SEMA4G: variants seen among roughly 807,000 people sequenced by gnomAD.
SEMA4G encodes the protein semaphorin-4G.
Under a neutral mutation model 81.2 loss-of-function variants are expected in SEMA4G, and 59 were observed. The ratio of observed to expected loss-of-function variants is 0.73; its 90% confidence interval spans 0.59 to 0.90. The LOEUF is 0.90. Ranked by LOEUF, SEMA4G falls within the 40% of genes least tolerant of loss-of-function variation. The probability of loss-of-function intolerance (pLI) is 0.00; values close to 1 mark genes in which losing one functional copy is unlikely to be tolerated. For synonymous variants in SEMA4G, 404 were observed against 433.9 expected (o/e 0.93, Z 0.86); for missense variants, 952 against 1,102.3 (o/e 0.86, Z 1.93).
chr10:100,982,745 T>C (rs552170865), intron 13 of SEMA4G, among the ~76,000 whole-genome samples: 9 of 152,190 alleles, frequency 5.9e-5, no homozygotes, highest in Non-Finnish European at 1.2e-4. Flanking sequence ...TGAGCTGAGA[T>C]CACGTCACTG....
chr10:100,969,762 C>A, upstream of SEMA4G: 1 of 429,774 alleles, frequency 2.3e-6, no homozygotes, highest in Admixed American at 2.4e-5. Context: ...GCGGGCCAGG[C>A]CTCGGGCTGC....
intron 6 of SEMA4G, 50 bp downstream of exon 7, chr10:100,978,690 A>G (rs1356566084): frequency 1.9e-6 from 3 of 1,583,934 alleles, no homozygotes; most frequent in Non-Finnish European, 1.7e-6. Flanking sequence ...CTATTTCTTC[A>G]TTTTTACTCC....
At chr10:100,974,858 T>C (rs554789277) in intron 3 of SEMA4G, 250 of 402,376 alleles carry the variant, frequency 6.2e-4, no homozygotes, top group African/African-American at 5.1e-3. Context: ...ACACTTGTAA[T>C]CTCAACACTT....
Position 100,973,441 on chromosome 10 carries a change from T to G in SEMA4G, c.274-106T>G. The G allele has an allele frequency of 9.1e-6, 13 of 1,425,280 alleles. 1 individual carries two copies. In the South Asian group the frequency reaches 1.6e-4, roughly 18 times the overall value. 88.3% of individuals were successfully genotyped at this position (1,425,280 alleles called of 1,614,324 possible). ...TTGCATTCAGTGTTCCTCCTGAAAT[T>G]GATCCCCACCCCAATTTCCCCAACT... On this transcript the variant is annotated intron_variant, in intron 2 of 13. Transcript: ENST00000370250. The surrounding 1 kb of genome is among the most constrained non-coding windows in gnomAD (Gnocchi z 5.5).
At chr10:100,969,832 C>T (rs543282591), upstream of SEMA4G, 76 of 453,304 alleles carry the variant, frequency 1.7e-4, 1 homozygote, top group South Asian at 6.4e-4. Flanking sequence ...GGCCGCGTGG[C>T]GAACAGTGTT....
exon 11 of SEMA4G, chr10:100,980,645 G>A (rs1851023747): frequency 1.9e-6 from 3 of 1,614,100 alleles, no homozygotes; most frequent in Admixed American, 3.3e-5. Flanking sequence ...AGACACAAGT[G>A]TTCAGGGAGT....
chr10:100,979,523 T>C (rs1850955989), intron 8 of SEMA4G: 4 of 990,484 alleles, frequency 4.0e-6, no homozygotes, highest in Admixed American at 5.8e-5. Flanking sequence ...GCTGGGACTA[T>C]AGGCGTGTGC....
In SEMA4G at chr10:100,979,855, C is replaced by G. The variant is rs200241224; in HGVS notation, c.991C>G (p.Leu331Val). The G allele has an allele frequency of 2.4e-4, 390 of 1,613,744 alleles. 2 individuals are homozygous for G. The East Asian group carries it at 7.8e-3, about 32-fold the overall frequency. ...CCCTATGTCCCATTCTAGGAAGACC[C>G]TGGAGGCCTCAGCCATCTGCCGCTA... Residue 331 changes from leucine to valine, a missense_variant, in exon 9 of 14, where the codon CTG (leucine) becomes GTG (valine). Coordinates refer to ENST00000370250, the Ensembl canonical transcript of SEMA4G.
chr10:100,982,076 A>AC (rs1454507117), intron 13 of SEMA4G, among the ~76,000 whole-genome samples: 1 of 150,438 alleles, frequency 6.6e-6, no homozygotes, highest in African/African-American at 2.5e-5. Context: ...AAAAAAAAAA[A>AC]AGAAAGAAAA....
chr10:100,977,852 C>T, intron 4 of SEMA4G, 122 bp downstream of exon 5: 4 of 807,780 alleles, frequency 5.0e-6, no homozygotes, highest in Non-Finnish European at 8.4e-6. Context: ...AAGGGGACTT[C>T]CATACAGGGC....
chr10:100,976,738 G>T (rs80239927), intron 3 of SEMA4G, among the ~76,000 whole-genome samples: 2,145 of 152,306 alleles, frequency 0.014, 54 homozygotes, highest in African/African-American at 0.05. Flanking sequence ...CAGTCTTCTT[G>T]GCAGGCAACC....
rs1380464807 is a variant in SEMA4G at position 100,973,883 on chromosome 10, A to T, written c.336+274A>T. Reference sequence around the variant, plus strand: ...GGCCTTAAACTCCTGGGCTCAGGGGATCCTTCCACTTCAGCCTCCTGAGTA... The same window carrying T: ...GGCCTTAAACTCCTGGGCTCAGGGGTTCCTTCCACTTCAGCCTCCTGAGTA... On this transcript the variant is annotated intron_variant, in intron 3 of 13. Coordinates refer to ENST00000370250, the Ensembl canonical transcript of SEMA4G. The surrounding 1 kb of genome is among the most constrained non-coding windows in gnomAD (Gnocchi z 5.5). Among the ~76,000 whole-genome samples, 2 of 151,258 alleles carry T rather than the reference A, an allele frequency of 1.3e-5. No individual in the cohort carries two copies. The highest frequency in any genetic ancestry group is 2.0e-4 in the East Asian group (1 of 5,116).
chr10:100,984,147 A>C, exon 14 of SEMA4G: 1 of 1,591,560 alleles, frequency 6.3e-7, no homozygotes, highest in Non-Finnish European at 8.6e-7. Context: ...GCCTCCCAGA[A>C]CAAATGCTCT....
downstream of SEMA4G, chr10:100,985,375 G>T (rs756150215): frequency 6.5e-6 from 1 of 154,780 alleles, no homozygotes; most frequent in Non-Finnish European, 1.4e-5. Flanking sequence ...CATTCCCCTC[G>T]GGTGAGGATG....
chr10:100,978,603 CCTGAGAA>C lies in SEMA4G; in HGVS notation c.612_618del (p.Thr205ArgfsTer82). On this transcript the variant is annotated frameshift_variant, in exon 6 of 14. Coordinates refer to ENST00000370250, the Ensembl canonical transcript of SEMA4G. LOFTEE classifies it high-confidence loss of function. ...TCCGCCGGAGCCGCCACCCACACTCCCTGAGAACTGAGGAGACACCAATGCATTGGCT... is the reference window on the plus strand; with the variant it reads ...TCCGCCGGAGCCGCCACCCACACTCCCTGAGGAGACACCAATGCATTGGCT... 3 of 1,614,112 alleles carry C rather than the reference CCTGAGAA, an allele frequency of 1.9e-6. No individual in the cohort carries two copies. Among genetic ancestry groups the C allele is most frequent in the Non-Finnish European group, 2.5e-6 (3 of 1,180,026 alleles).
Position 100,973,585 on chromosome 10 carries a change from T to C in SEMA4G, c.312T>C (p.Cys104=), listed in dbSNP as rs751823274. Residue 104 remains cysteine (C), a synonymous_variant, in exon 3 of 14, where the codon TGT becomes TGC. Transcript: ENST00000370250. The surrounding 1 kb of genome is among the most constrained non-coding windows in gnomAD (Gnocchi z 5.5). ...CCTCCCCAGAGATGCAAAGCAAATG[T>C]CATCAAAAAGGGAAAAACAACCAGG... 1.2e-6 allele frequency: 2 copies of C among 1,614,136 alleles called. No individual in the cohort carries two copies. The highest frequency in any genetic ancestry group is 1.1e-5 in the South Asian group (1 of 91,070).
chr10:100,978,192 C>T (rs1209053746), intron 4 of SEMA4G, 103 bp from the exon 6 acceptor site: 1 of 759,176 alleles, frequency 1.3e-6, no homozygotes, highest in Non-Finnish European at 2.2e-6. Flanking sequence ...TACAACCTGC[C>T]CCTATCCCTG....
chr10:100,969,728 C>T (rs1850575652), upstream of SEMA4G: 1 of 392,790 alleles, frequency 2.5e-6, no homozygotes, highest in Non-Finnish European at 5.3e-6. Flanking sequence ...GTCCCCCGGT[C>T]CTGCATGACG....
chr10:100,979,874 G>A (rs1201341797), exon 9 of SEMA4G: 1 of 1,613,946 alleles, frequency 6.2e-7, no homozygotes, highest in Non-Finnish European at 8.5e-7. Flanking sequence ...TCAGCCATCT[G>A]CCGCTATGAC....
Sources: allele counts gnomAD v4.1 joint callset (sites outside exome capture counted in the v4.1 genomes callset), GRCh38; gene constraint gnomAD v4.1.1; non-coding constraint Gnocchi (gnomAD v3.1); transcripts MANE v1.5; gene names NCBI Gene and HGNC (gene_info 2026-07-23, HGNC 2026-07-21).